SVOPL: variants seen among roughly 807,000 people sequenced by gnomAD.
SVOPL encodes the protein SVOP like.
Under a neutral mutation model 61.0 loss-of-function variants are expected in SVOPL, and 60 were observed. That is an observed-to-expected ratio of 0.98 (90% CI 0.80 to 1.22). SVOPL has a LOEUF of 1.22. Ranked by LOEUF, SVOPL falls within the 50% of genes most tolerant of loss-of-function variation. The probability of loss-of-function intolerance (pLI) is 0.00; values close to 1 mark genes in which losing one functional copy is unlikely to be tolerated. For synonymous variants in SVOPL, 279 were observed against 250.0 expected (o/e 1.12, Z -1.09); for missense variants, 662 against 643.9 (o/e 1.03, Z -0.30).
At chr7:138,664,824 CTT>C in intron 4 of SVOPL, among the ~76,000 whole-genome samples, 1 of 125,920 alleles carries the variant, frequency 7.9e-6, no homozygotes, top group Admixed American at 7.9e-5. Context: ...GCGCTCGACC[CTT>C]CCCCCCACCC....
intron 3 of SVOPL, among the ~76,000 whole-genome samples, chr7:138,675,819 A>G (rs1001643391): frequency 6.6e-6 from 1 of 151,734 alleles, no homozygotes; most frequent in African/African-American, 2.4e-5. Context: ...ATCATTATGC[A>G]TCTGGGTATG....
At chr7:138,697,999 G>A (rs1010544254) in intron 1 of SVOPL, among the ~76,000 whole-genome samples, 5 of 151,700 alleles carry the variant, frequency 3.3e-5, no homozygotes, top group Non-Finnish European at 7.4e-5. Flanking sequence ...CAGAGGAAGG[G>A]AGGAAAGAGG....
chr7:138,664,012 C>G (rs575526787), intron 4 of SVOPL, among the ~76,000 whole-genome samples: 1 of 152,218 alleles, frequency 6.6e-6, no homozygotes, highest in East Asian at 1.9e-4. Context: ...CGACAAAAGC[C>G]ACGACTGGGT....
chr7:138,614,992 C>G (rs2099888954), intron 14 of SVOPL, among the ~76,000 whole-genome samples: 1 of 152,146 alleles, frequency 6.6e-6, no homozygotes, highest in Admixed American at 6.5e-5. Flanking sequence ...CAGCCGCACA[C>G]CGTGAGGCTG....
intron 1 of SVOPL, among the ~76,000 whole-genome samples, chr7:138,683,878 C>T (rs950644901): frequency 1.3e-5 from 2 of 151,460 alleles, no homozygotes; most frequent in African/African-American, 4.9e-5. Flanking sequence ...ATGGTGAAAC[C>T]CTGTCTCTAT....
chr7:138,680,372 C>T (rs1434931057), intron 1 of SVOPL, among the ~76,000 whole-genome samples: 1 of 152,160 alleles, frequency 6.6e-6, no homozygotes, highest in Non-Finnish European at 1.5e-5. Flanking sequence ...AGGTCCCAAA[C>T]TCCTGACCTC....
At chr7:138,608,787 A>G (rs1261592569) in intron 14 of SVOPL, among the ~76,000 whole-genome samples, 1 of 152,232 alleles carries the variant, frequency 6.6e-6, no homozygotes, top group East Asian at 1.9e-4. Context: ...CTCGAGAAAT[A>G]TACAGAGAAA....
At chr7:138,700,513 G>T (rs531722652) in intron 1 of SVOPL, among the ~76,000 whole-genome samples, 14 of 151,938 alleles carry the variant, frequency 9.2e-5, no homozygotes, top group African/African-American at 3.1e-4. Flanking sequence ...TAATTTTTTT[G>T]TATTTTTAGT....
Position 138,621,078 on chromosome 7 carries a change from T to A in SVOPL, c.1321A>T (p.Ile441Phe). Residue 441 changes from isoleucine (I) to phenylalanine (F), a missense_variant, in exon 14 of 16, where the codon ATT becomes TTT. Transcript: ENST00000674285. ...ATAAATGGTGCCACCATTGCACCAATGCGACACAGGGAGCCGCTGGTTCCC... is the reference window on the plus strand; with the variant it reads ...ATAAATGGTGCCACCATTGCACCAAAGCGACACAGGGAGCCGCTGGTTCCC... ...GMGTSGSLCRIGAMVAPFISQ... is the reference protein window; with the variant it reads ...GMGTSGSLCRFGAMVAPFISQ... 1 of 1,613,696 alleles carries A rather than the reference T, an allele frequency of 6.2e-7. No individual in the cohort carries two copies. The highest frequency in any genetic ancestry group is 8.5e-7 in the Non-Finnish European group (1 of 1,179,844).
rs5887890 is a variant in SVOPL, at chr7:138,604,677, CAA to C, written c.1354-8149_1354-8148del. On this transcript the variant is annotated intron_variant, in intron 14 of 15. Coordinates refer to ENST00000674285, the MANE Select transcript of SVOPL (RefSeq NM_001139456.2). Reference sequence around the variant, plus strand: ...TGGGCAACAGAGCAAAACTTTATCTCAAAAAAAAAAAAAAAAAAAAAAAGTTA... The same window carrying C: ...TGGGCAACAGAGCAAAACTTTATCTCAAAAAAAAAAAAAAAAAAAAAGTTA... 5.0e-3 allele frequency among the ~76,000 whole-genome samples: 295 copies of C among 58,796 alleles called. 3 individuals carry two copies. The highest frequency in any genetic ancestry group is 0.028 in the Middle Eastern group (1 of 36). 38.6% of individuals were successfully genotyped at this position (58,796 alleles called of 152,430 possible). A position where few individuals can be genotyped will look rare whatever the true frequency, so the allele number is the denominator to read the frequency against.
chr7:138,685,852 A>G (rs1033442232), intron 1 of SVOPL, among the ~76,000 whole-genome samples: 1 of 151,460 alleles, frequency 6.6e-6, no homozygotes, highest in Non-Finnish European at 1.5e-5. Context: ...AGCCTGGGCA[A>G]CAGAGCAAGA....
chr7:138,610,970 C>T (rs1798973034), intron 14 of SVOPL, among the ~76,000 whole-genome samples: 1 of 152,230 alleles, frequency 6.6e-6, no homozygotes, highest in Admixed American at 6.5e-5. Context: ...CAAGCCCCTG[C>T]CACCCTCCTA....
chr7:138,649,000 G>A lies in SVOPL; in HGVS notation c.660+12C>T. 3 of 1,613,776 alleles carry A rather than the reference G, an allele frequency of 1.9e-6. No individual in the cohort carries two copies. The highest frequency in any genetic ancestry group is 1.1e-5 in the South Asian group (1 of 91,060). ...AGGAGGGGACAGGAAGGAGCCACAA[G>A]TGCTTCCCCACCTTGAAGGCCACGA... On this transcript the variant is annotated intron_variant, in intron 8 of 15. Transcript: ENST00000674285.
chr7:138,626,016 C>A lies in SVOPL; in HGVS notation c.1216G>T (p.Ala406Ser). Residue 406 changes from alanine (A) to serine (S), a missense_variant, in exon 13 of 16, where the codon GCT becomes TCT. Physicochemically the swap from Ala to Ser is moderately conservative, Grantham distance 99 (BLOSUM62 1). Transcript: ENST00000674285. Reference protein sequence around the residue: ...GLIGFLFMLRALVAANFNTVY... With the variant: ...GLIGFLFMLRSLVAANFNTVY... ...GTGTTGAAGTTTGCAGCTACCAGAG[C>A]CCTCAGCATGAAGAGGAAGCCAATC... 6.2e-7 allele frequency: 1 copy of A among 1,614,110 alleles called. No homozygotes were observed.
intron 4 of SVOPL, among the ~76,000 whole-genome samples, chr7:138,664,515 G>C (rs575664420): frequency 9.0e-5 from 13 of 143,674 alleles, no homozygotes; most frequent in African/African-American, 3.2e-4. Flanking sequence ...TTTATCGGGC[G>C]CGCGCGCCTA....
chr7:138,620,476 C>A lies in SVOPL; in HGVS notation c.1353+570G>T, dbSNP rs1209601920. On this transcript the variant is annotated intron_variant, in intron 14 of 15. Transcript: ENST00000674285. ...AAAAAAAAAAAAAGACTGACAAGTG[C>A]AAAGCAGCAAGCTCCATAGCCCTCT... Among the ~76,000 whole-genome samples the A allele has an allele frequency of 6.1e-5, 9 of 146,994 alleles. No homozygotes were observed. In the East Asian group the frequency reaches 1.8e-3, roughly 29 times the overall value.
chr7:138,638,272 CAA>C (rs56000217), intron 9 of SVOPL, among the ~76,000 whole-genome samples: 1,581 of 95,728 alleles, frequency 0.017, 13 homozygotes, highest in East Asian at 0.11. Context: ...GACTCCACCT[CAA>C]AAAAAAAAAA....
At chr7:138,620,700 T>G (rs1799525157) in intron 14 of SVOPL, among the ~76,000 whole-genome samples, 1 of 152,006 alleles carries the variant, frequency 6.6e-6, no homozygotes. Flanking sequence ...CCTGGACAAC[T>G]GACCAGACAA....
Position 138,649,007 on chromosome 7 carries a change from C to T in SVOPL, c.660+5G>A. 6.2e-7 allele frequency: 1 copy of T among 1,613,688 alleles called. No individual in the cohort carries two copies. The highest frequency in any genetic ancestry group is 2.2e-5 in the East Asian group (1 of 44,836). Reference sequence around the variant, plus strand: ...GACAGGAAGGAGCCACAAGTGCTTCCCCACCTTGAAGGCCACGATGAGGAT... The same window carrying T: ...GACAGGAAGGAGCCACAAGTGCTTCTCCACCTTGAAGGCCACGATGAGGAT... On this transcript the variant is annotated splice_donor_5th_base_variant and intron_variant, in intron 8 of 15. Transcript: ENST00000674285.
Sources: allele counts gnomAD v4.1 joint callset (sites outside exome capture counted in the v4.1 genomes callset), GRCh38; gene constraint gnomAD v4.1.1; transcripts MANE v1.5; gene names NCBI Gene and HGNC (gene_info 2026-07-23, HGNC 2026-07-21).